The following PCDH9 variants were observed in gnomAD, a reference collection of about 807,000 sequenced individuals.
The protein encoded by PCDH9 is protocadherin-9.
PCDH9 carries 24 observed loss-of-function variants against 70.6 expected under a neutral mutation model. The observed-to-expected ratio is 0.34, with a 90% CI of 0.25 to 0.48. The LOEUF (loss-of-function observed/expected upper bound fraction) is 0.48. Ranked by LOEUF, PCDH9 falls within the 20% of genes least tolerant of loss-of-function variation. The pLI, the probability that PCDH9 is intolerant of heterozygous loss-of-function variation, is 0.99. For missense variants in PCDH9, 1,281 were observed against 1,503.6 expected (o/e 0.85, Z 2.45); for synonymous variants, 562 against 558.5 (o/e 1.01, Z -0.09).
rs750772569 is a variant in PCDH9 at position 67,228,053 on chromosome 13, T to C, written c.388A>G (p.Ile130Val). The C allele has an allele frequency of 3.1e-6, 5 of 1,613,822 alleles. No individual in the cohort carries two copies. The highest frequency in any genetic ancestry group is 3.3e-5 in the Admixed American group (2 of 59,962). Residue 130 changes from isoleucine (I) to valine (V), a missense_variant, in exon 2 of 5, where the codon ATA becomes GTA. By Grantham distance (29) the Ile-to-Val change is conservative. Around this residue, in one of 4 missense-constraint regions of PCDH9, gnomAD observed 798 missense variants for 1,003.1 expected, o/e 0.80. Transcript: ENST00000377865. ...NDFFRLIKIK[I>V]IVKDTNDNAP... The stretch of plus-strand genomic sequence containing the variant: ...TTATCATTGGTATCCTTGACAATTA[T>C]TTTTATTTTGATCAGCCTGAAGAAA...
intron 2 of PCDH9, among the ~76,000 whole-genome samples, chr13:67,187,539 C>T (rs1410320238): frequency 6.6e-6 from 1 of 152,104 alleles, no homozygotes; most frequent in Non-Finnish European, 1.5e-5. Context: ...TCAACTAATG[C>T]TCTTATTAAG....
At chr13:66,889,536 A>G (rs1426601692) in intron 3 of PCDH9, among the ~76,000 whole-genome samples, 31 of 152,100 alleles carry the variant, frequency 2.0e-4, no homozygotes, top group Admixed American at 2.0e-3. Flanking sequence ...CAAGTGGAGG[A>G]GAAACACTTA....
chr13:66,304,790 A>T lies in PCDH9; in HGVS notation c.3579T>A (p.Asn1193Lys), dbSNP rs757762359. Residue 1193 changes from asparagine to lysine, a missense_variant, in exon 5 of 5, where the codon AAT (asparagine) becomes AAA (lysine). Transcript: ENST00000377865. ...CATTGGAGCCATACTGCTTACGGTC[A>T]TTGAACTGGTTCCTGTTGCTGTCTT... ...WKEDSNRNQF[N>K]DRKQYGSNEG... The T allele has an allele frequency of 1.2e-6, 2 of 1,613,532 alleles. No homozygotes were observed. The highest frequency in any genetic ancestry group is 3.3e-5 in the Admixed American group (2 of 59,860).
At chr13:66,673,178 C>T (rs536260972) in intron 3 of PCDH9, among the ~76,000 whole-genome samples, 82 of 152,116 alleles carry the variant, frequency 5.4e-4, no homozygotes, top group Admixed American at 3.7e-3. Context: ...ACCTGGTGGA[C>T]GGTAATTGAA....
intron 3 of PCDH9, among the ~76,000 whole-genome samples, chr13:66,804,808 T>C (rs944384870): frequency 6.6e-6 from 1 of 152,168 alleles, no homozygotes; most frequent in Non-Finnish European, 1.5e-5. Flanking sequence ...TTGTGGGGTT[T>C]TTTTATACTT....
chr13:67,031,377 T>C (rs2084902766), intron 2 of PCDH9, among the ~76,000 whole-genome samples: 1 of 152,194 alleles, frequency 6.6e-6, no homozygotes, highest in Non-Finnish European at 1.5e-5. Context: ...ATAACACCTG[T>C]CTTTCCAAAA....
intron 2 of PCDH9, among the ~76,000 whole-genome samples, chr13:67,101,812 GAGTA>G (rs1007757625): frequency 6.6e-6 from 1 of 152,040 alleles, no homozygotes; most frequent in African/African-American, 2.4e-5. Flanking sequence ...AGGCAAAAAA[GAGTA>G]AGAAAGAAAT....
At chr13:66,669,163 G>C (rs1369076366) in intron 3 of PCDH9, among the ~76,000 whole-genome samples, 1 of 152,080 alleles carries the variant, frequency 6.6e-6, no homozygotes, top group African/African-American at 2.4e-5. Flanking sequence ...ATTTCACCTA[G>C]AGAGATAAAA....
intron 3 of PCDH9, among the ~76,000 whole-genome samples, chr13:66,866,913 A>C (rs1048734829): frequency 6.6e-6 from 1 of 152,216 alleles, no homozygotes; most frequent in African/African-American, 2.4e-5. Flanking sequence ...CTTATAAGAA[A>C]GCACAATTCT....
rs538739712 is a variant in PCDH9 at position 66,874,552 on chromosome 13, C to T, written c.3138+28952G>A. On this transcript the variant is annotated intron_variant, in intron 3 of 4. Transcript: ENST00000377865. The stretch of plus-strand genomic sequence containing the variant: ...AACTAGAGGCAGGGCAGCACTGTGC[C>T]CCCTAGTAAAATTTAGAACTCCTTT... Among the ~76,000 whole-genome samples, 4 of 152,106 alleles carry T rather than the reference C, an allele frequency of 2.6e-5. No individual in the cohort carries two copies. The East Asian group carries it at 7.7e-4, about 29-fold the overall frequency.
In PCDH9 at chr13:66,936,029, G is replaced by C. The variant is rs79832220; in HGVS notation, c.3037-32424C>G. Among the ~76,000 whole-genome samples the C allele has an allele frequency of 5.8e-3, 882 of 152,266 alleles. 8 individuals carry two copies. The highest frequency in any genetic ancestry group is 0.02 in the African/African-American group (842 of 41,556). On this transcript the variant is annotated intron_variant, in intron 2 of 4. Coordinates refer to ENST00000377865, the MANE Select transcript of PCDH9 (RefSeq NM_203487.3). ...GAATCCAGGGGGCAGAGGTTCCAGT[G>C]AGCTGAGATCGCACCACTGCACTCC...
chr13:66,631,348 G>A lies in PCDH9; in HGVS notation c.3202C>T (p.Leu1068=), dbSNP rs751827576. 1.9e-6 allele frequency: 3 copies of A among 1,611,200 alleles called. No individual in the cohort carries two copies. In the African/African-American group the frequency reaches 4.0e-5, roughly 22 times the overall value. Residue 1068 remains leucine, a synonymous_variant, in exon 4 of 5, where the codon CTA becomes TTA. Transcript: ENST00000377865. ...CTACCCACCGGCTCATGGTCTCCTA[G>A]ACCACTGTCACTGCAGCTTTCCTGG... is the stretch of plus-strand genomic sequence containing the variant. The part of the protein sequence containing the change: ...GSQESCSDSG[L]GDHEPVGSGT...
At chr13:66,980,084 CTAT>C (rs2083708631) in intron 2 of PCDH9, among the ~76,000 whole-genome samples, 18 of 130,184 alleles carry the variant, frequency 1.4e-4, no homozygotes, top group Admixed American at 1.3e-3. Context: ...CCATCTCTAT[CTAT>C]CTATCTATCT....
In PCDH9 at chr13:67,052,704, T is replaced by C. The variant is rs963764413; in HGVS notation, c.3037-149099A>G. Among the ~76,000 whole-genome samples, 9 of 152,128 alleles carry C rather than the reference T, an allele frequency of 5.9e-5. No individual in the cohort carries two copies. The South Asian group carries it at 1.0e-3, about 18-fold the overall frequency. ...TGTGGGTTGACTTAGGGAAGTGAGA[T>C]TTTTATATAGATTATATATAAGTAT... On this transcript the variant is annotated intron_variant, in intron 2 of 4. Coordinates refer to ENST00000377865, the MANE Select transcript of PCDH9 (RefSeq NM_203487.3).
At chr13:67,200,739 G>A (rs991231332) in intron 2 of PCDH9, among the ~76,000 whole-genome samples, 11 of 151,946 alleles carry the variant, frequency 7.2e-5, no homozygotes, top group Non-Finnish European at 1.0e-4. Context: ...TTGACATTTC[G>A]ATGCTGAAGA....
chr13:66,889,722 T>C (rs1480012296), intron 3 of PCDH9, among the ~76,000 whole-genome samples: 1 of 152,168 alleles, frequency 6.6e-6, no homozygotes, highest in Non-Finnish European at 1.5e-5. Flanking sequence ...TTCAGCAGTA[T>C]AGAGCCAAAA....
At chr13:66,682,724 C>A (rs1566503194) in intron 3 of PCDH9, among the ~76,000 whole-genome samples, 1 of 152,098 alleles carries the variant, frequency 6.6e-6, no homozygotes, top group Non-Finnish European at 1.5e-5. Context: ...TTATTCATGT[C>A]AGTTTCCAAA....
At chr13:66,812,877 G>A (rs959934732) in intron 3 of PCDH9, among the ~76,000 whole-genome samples, 11 of 152,204 alleles carry the variant, frequency 7.2e-5, no homozygotes, top group East Asian at 3.9e-4. Flanking sequence ...TTATGACTCC[G>A]ATGGCAACCA....
chr13:67,107,260 C>A (rs185245987), intron 2 of PCDH9, among the ~76,000 whole-genome samples: 1 of 150,366 alleles, frequency 6.7e-6, no homozygotes, highest in East Asian at 2.0e-4. Context: ...CTCCTTCAAG[C>A]CCGTGTCAGC....
Sources: gnomAD v4.1 joint callset for allele counts (sites outside exome capture counted in the v4.1 genomes callset) on GRCh38, gnomAD v4.1.1 for gene constraint, gnomAD v4.1.1 regional missense constraint, MANE v1.5 for transcripts, NCBI Gene and HGNC (gene_info 2026-07-23, HGNC 2026-07-21) for gene names.